Variants in DENND1B observed in about 807,000 individuals in gnomAD.
DENND1B encodes DENN domain-containing protein 1B.
DENND1B carries 59 observed loss-of-function variants against 90.1 expected under a neutral mutation model. The ratio of observed to expected loss-of-function variants is 0.65; its 90% CI spans 0.53 to 0.81. The LOEUF (loss-of-function observed/expected upper bound fraction) is 0.81, where lower values mean the gene tolerates loss of function less well. Ranked by LOEUF, DENND1B falls within the 40% of genes least tolerant of loss-of-function variation. The pLI, the probability that DENND1B is intolerant of heterozygous loss-of-function variation, is 0.00. For synonymous variants in DENND1B, 337 were observed against 324.6 expected (o/e 1.04, Z -0.41); for missense variants, 862 against 912.6 (o/e 0.94, Z 0.71).
chr1:197,510,937 A>G lies in DENND1B; in HGVS notation c.1851T>C (p.Ala617=), dbSNP rs1339070647. The G allele has an allele frequency of 1.9e-6, 3 of 1,554,736 alleles. No individual in the cohort carries two copies. Among genetic ancestry groups the G allele is most frequent in the Non-Finnish European group, 2.6e-6 (3 of 1,155,152 alleles). Residue 617 remains alanine, a synonymous_variant, in exon 23 of 23, where the codon GCT becomes GCC. Transcript: ENST00000620048. ...GGTCACCAGAACCACCACAGAGGAA[A>G]GCCAGGTTATTCTCACTAGGAGCAT... ...KSNAPSENNL[A]FLCGGSGDQA...
chr1:197,515,871 C>A (rs962457462), intron 20 of DENND1B, among the ~76,000 whole-genome samples: 1 of 151,826 alleles, frequency 6.6e-6, no homozygotes, highest in Non-Finnish European at 1.5e-5. Flanking sequence ...GAACTTATGT[C>A]TTTCCCTATT....
intron 2 of DENND1B, chr1:197,735,339 C>T: frequency 7.7e-7 from 1 of 1,300,816 alleles, no homozygotes; most frequent in Non-Finnish European, 9.8e-7. Context: ...CCTCAGAATG[C>T]TACACAGCTC....
intron 19 of DENND1B, among the ~76,000 whole-genome samples, chr1:197,540,275 A>C (rs1384262183): frequency 6.6e-6 from 1 of 151,814 alleles, no homozygotes; most frequent in African/African-American, 2.4e-5. Flanking sequence ...TAATGATCTT[A>C]ATTATTTATA....
intron 3 of DENND1B, among the ~76,000 whole-genome samples, chr1:197,698,513 C>G (rs1658683567): frequency 6.6e-6 from 1 of 151,118 alleles, no homozygotes; most frequent in Non-Finnish European, 1.5e-5. Context: ...GCTAGAGAAG[C>G]AAGATCAAAC....
At chr1:197,554,981 C>A (rs569387338) in intron 15 of DENND1B, among the ~76,000 whole-genome samples, 3 of 151,846 alleles carry the variant, frequency 2.0e-5, no homozygotes, top group African/African-American at 4.8e-5. Context: ...TCAAAATGTG[C>A]TTTACCCAGA....
At chr1:197,780,322 C>CT (rs1368873384), upstream of DENND1B, among the ~76,000 whole-genome samples, 6 of 148,102 alleles carry the variant, frequency 4.1e-5, no homozygotes, top group African/African-American at 1.5e-4. Flanking sequence ...TGAAAGGTGG[C>CT]TTTTCTTTTT....
chr1:197,700,463 CAAGATGGATTA>C (rs966558926), intron 3 of DENND1B, among the ~76,000 whole-genome samples: 2 of 152,056 alleles, frequency 1.3e-5, no homozygotes, highest in Admixed American at 1.3e-4. Context: ...AAAATTAACT[CAAGATGGATTA>C]AAGATTTAAA....
chr1:197,684,086 T>C (rs564621968), intron 3 of DENND1B, among the ~76,000 whole-genome samples: 10 of 152,318 alleles, frequency 6.6e-5, no homozygotes, highest in Middle Eastern at 3.4e-3. Context: ...TTTGCCCTGA[T>C]AGACATTTCA....
intron 3 of DENND1B, among the ~76,000 whole-genome samples, chr1:197,674,588 A>G (rs1263063770): frequency 2.0e-5 from 3 of 152,096 alleles, no homozygotes; most frequent in Non-Finnish European, 2.9e-5. Context: ...AAATGCAGGC[A>G]GAGAAAAGGG....
chr1:197,554,486 G>A (rs1477752423), intron 15 of DENND1B, among the ~76,000 whole-genome samples: 1 of 151,982 alleles, frequency 6.6e-6, no homozygotes, highest in Non-Finnish European at 1.5e-5. Flanking sequence ...AACGGTTAAT[G>A]AACAAAACTA....
intron 6 of DENND1B, among the ~76,000 whole-genome samples, chr1:197,654,915 T>C (rs1653643727): frequency 6.6e-6 from 1 of 152,204 alleles, no homozygotes; most frequent in African/African-American, 2.4e-5. Context: ...GAAATGTCTA[T>C]ACCATTTTAG....
At chr1:197,736,090 G>A (rs976746501) in intron 2 of DENND1B, 22 of 770,102 alleles carry the variant, frequency 2.9e-5, no homozygotes, top group South Asian at 4.6e-5. Flanking sequence ...TTCAGTTCTC[G>A]AGTTGGTGGA....
intron 14 of DENND1B, among the ~76,000 whole-genome samples, chr1:197,591,857 TCCCAGCACTCTGGGAG>T (rs1182967533): frequency 6.6e-6 from 1 of 152,000 alleles, no homozygotes; most frequent in Non-Finnish European, 1.5e-5. Context: ...ACGCCTGTAA[TCCCAGCACTCTGGGAG>T]GCCGAGGCAG....
chr1:197,551,343 A>C (rs948804269), intron 16 of DENND1B, among the ~76,000 whole-genome samples: 3 of 152,184 alleles, frequency 2.0e-5, no homozygotes, highest in African/African-American at 7.2e-5. Flanking sequence ...TTGTCAAATT[A>C]GGCTTTCCTT....
At chr1:197,733,428 C>A (rs1226440938) in intron 2 of DENND1B, among the ~76,000 whole-genome samples, 1 of 152,216 alleles carries the variant, frequency 6.6e-6, no homozygotes, top group Non-Finnish European at 1.5e-5. Context: ...TTCCCCCTTA[C>A]CAGCTTATTT....
In DENND1B at chr1:197,626,336, G is replaced by T. The variant is rs899316718; in HGVS notation, c.673-8577C>A. Among the ~76,000 whole-genome samples the T allele has an allele frequency of 2.3e-3, 353 of 152,058 alleles. 4 individuals are homozygous for T. Among genetic ancestry groups the T allele is most frequent in the African/African-American group, 8.1e-3 (337 of 41,494 alleles). ...TAACAAACTGTCTCTCAGACCACAG[G>T]GCAATCGAACTAGAACTCAGGATTA... On this transcript the variant is annotated intron_variant, in intron 10 of 22. Transcript: ENST00000620048.
chr1:197,521,775 C>T lies in DENND1B; in HGVS notation c.1516-8822G>A, dbSNP rs181764469. 6.2e-3 allele frequency among the ~76,000 whole-genome samples: 937 copies of T among 152,054 alleles called. 7 individuals carry two copies. The highest frequency in any genetic ancestry group is 8.3e-3 in the Non-Finnish European group (567 of 67,938). On this transcript the variant is annotated intron_variant, in intron 20 of 22. Transcript: ENST00000620048. ...AATAACTAAAGAGTTAAAAGACTTA[C>T]CCATGATTGACTTGCTTCAATGTGT...
At chr1:197,600,033 T>C (rs1218755539) in intron 13 of DENND1B, among the ~76,000 whole-genome samples, 1 of 151,788 alleles carries the variant, frequency 6.6e-6, no homozygotes, top group Non-Finnish European at 1.5e-5. Context: ...GGAAAACCTT[T>C]ATATATGTTA....
At chr1:197,629,057 G>T (rs1473297696) in intron 10 of DENND1B, among the ~76,000 whole-genome samples, 1 of 152,106 alleles carries the variant, frequency 6.6e-6, no homozygotes, top group African/African-American at 2.4e-5. Context: ...GGAGAAATAG[G>T]TACACTTTTA....
Sources: gnomAD v4.1 joint callset for allele counts (sites outside exome capture counted in the v4.1 genomes callset) on GRCh38, gnomAD v4.1.1 for gene constraint, MANE v1.5 for transcripts, NCBI Gene and HGNC (gene_info 2026-07-23, HGNC 2026-07-21) for gene names.